HIVEP1: variants seen among roughly 807,000 people sequenced by gnomAD.
HIVEP1 encodes the protein HIVEP zinc finger 1, also known as zinc finger protein 40.
In HIVEP1, 36 loss-of-function variants were observed where a neutral mutation model predicts 180.0. That is an observed-to-expected ratio of 0.20 (90% CI 0.15 to 0.26). The LOEUF is 0.26. Ranked by LOEUF, HIVEP1 falls within the 10% of genes least tolerant of loss-of-function variation. The pLI is 1.00. For synonymous variants in HIVEP1, 1,239 were observed against 1,239.0 expected (o/e 1.00, Z 0.00); for missense variants, 3,143 against 3,268.7 (o/e 0.96, Z 0.94).
At chr6:12,198,675 A>G in the HIVEP1 span, among the ~76,000 whole-genome samples, 1 of 152,212 alleles carries the variant, frequency 6.6e-6, no homozygotes, top group African/African-American at 2.4e-5. Flanking sequence ...AGCACAGTAC[A>G]TGTGAGATTT....
intron 3 of HIVEP1, among the ~76,000 whole-genome samples, chr6:12,090,778 GAGCTGCTTCT>G (rs1773425497): frequency 8.3e-6 from 1 of 120,110 alleles, no homozygotes; most frequent in Non-Finnish European, 1.6e-5. Context: ...TCATGGTTTA[GAGCTGCTTCT>G]AGTAGCAAAG....
chr6:12,011,872 TC>T (rs1767344727), upstream of HIVEP1: 1 of 13,336 alleles, frequency 7.5e-5, no homozygotes, highest in Non-Finnish European at 1.6e-4. Flanking sequence ...GGACGCCCCC[TC>T]CCCCGCCCAC....
intron 3 of HIVEP1, among the ~76,000 whole-genome samples, chr6:12,097,380 G>A (rs771611376): frequency 1.3e-4 from 20 of 150,260 alleles, no homozygotes; most frequent in African/African-American, 2.5e-4. Flanking sequence ...AAAGGAGCCC[G>A]CAAGCTTTAA....
At chr6:12,205,428 G>A in the HIVEP1 span, among the ~76,000 whole-genome samples, 310 of 151,494 alleles carry the variant, frequency 2.0e-3, no homozygotes, top group African/African-American at 7.3e-3. Context: ...CCGAGATTGC[G>A]CCACTGCACT....
chr6:12,065,558 C>T (rs1771512446), intron 2 of HIVEP1, among the ~76,000 whole-genome samples: 1 of 152,148 alleles, frequency 6.6e-6, no homozygotes, highest in Admixed American at 6.5e-5. Flanking sequence ...GCAAATCTGC[C>T]TGGGTTCAAG....
intron 3 of HIVEP1, among the ~76,000 whole-genome samples, chr6:12,092,442 C>T (rs1194077900): frequency 6.6e-6 from 1 of 152,072 alleles, no homozygotes; most frequent in East Asian, 1.9e-4. Context: ...ATTGTTGGCC[C>T]ATTCTTCTGT....
intron 2 of HIVEP1, among the ~76,000 whole-genome samples, chr6:12,065,083 G>A (rs1771484134): frequency 6.6e-6 from 1 of 152,182 alleles, no homozygotes; most frequent in Non-Finnish European, 1.5e-5. Context: ...TGGACAAATT[G>A]GATGCAACTA....
At chr6:12,113,370 A>T (rs1775024106) in intron 3 of HIVEP1, among the ~76,000 whole-genome samples, 1 of 151,536 alleles carries the variant, frequency 6.6e-6, no homozygotes, top group African/African-American at 2.4e-5. Context: ...CATGCTGAGG[A>T]GATGGCAAGT....
intron 3 of HIVEP1, 93 bp from the exon 4 acceptor site, chr6:12,119,797 T>C (rs1775446692): frequency 1.3e-6 from 1 of 750,294 alleles, no homozygotes; most frequent in Admixed American, 2.8e-5. Flanking sequence ...CTTGTCATAA[T>C]GTCCTTATGA....
intron 2 of HIVEP1, among the ~76,000 whole-genome samples, chr6:12,060,357 C>T (rs1489653854): frequency 6.6e-6 from 1 of 152,188 alleles, no homozygotes; most frequent in African/African-American, 2.4e-5. Context: ...CAGACAATTA[C>T]AGTATAAACT....
intron 1 of HIVEP1, chr6:12,012,800 ACCCAGCCTC>A (rs1008274225): frequency 1.3e-5 from 2 of 152,674 alleles, no homozygotes; most frequent in Non-Finnish European, 2.9e-5. Flanking sequence ...GTACAGAGGG[ACCCAGCCTC>A]CCCAGCCGCC....
At chr6:12,197,466 G>A in the HIVEP1 span, among the ~76,000 whole-genome samples, 4 of 151,352 alleles carry the variant, frequency 2.6e-5, no homozygotes, top group Non-Finnish European at 4.4e-5. Context: ...GGCTGAGACA[G>A]GAGAATCACT....
intron 7 of HIVEP1, among the ~76,000 whole-genome samples, chr6:12,140,222 G>A (rs1758941420): frequency 6.6e-6 from 1 of 152,200 alleles, no homozygotes; most frequent in Admixed American, 6.5e-5. Flanking sequence ...GGCATACAGG[G>A]CCTGGAGTGG....
At chr6:12,086,459 GA>G (rs2113312695) in intron 2 of HIVEP1, among the ~76,000 whole-genome samples, 1 of 152,178 alleles carries the variant, frequency 6.6e-6, no homozygotes, top group Non-Finnish European at 1.5e-5. Flanking sequence ...AGTTCTTTGG[GA>G]AATTGTTAAC....
intron 3 of HIVEP1, among the ~76,000 whole-genome samples, chr6:12,093,354 A>G (rs989465374): frequency 6.6e-6 from 1 of 151,714 alleles, no homozygotes; most frequent in Non-Finnish European, 1.5e-5. Flanking sequence ...ACTAAAGTGA[A>G]TAGAAGCTCT....
At chr6:12,099,474 T>C (rs1458889786) in intron 3 of HIVEP1, among the ~76,000 whole-genome samples, 1 of 151,906 alleles carries the variant, frequency 6.6e-6, no homozygotes, top group Non-Finnish European at 1.5e-5. Flanking sequence ...CCTCACTGAG[T>C]TTTTGGCCTG....
intron 8 of HIVEP1, 44 bp downstream of exon 8, chr6:12,161,973 A>C: frequency 6.5e-7 from 1 of 1,533,758 alleles, no homozygotes; most frequent in Non-Finnish European, 8.8e-7. Flanking sequence ...TTTCGTTTTA[A>C]CCTATTAAAT....
At chr6:12,020,824 C>T (rs1486812810) in intron 2 of HIVEP1, among the ~76,000 whole-genome samples, 1 of 151,304 alleles carries the variant, frequency 6.6e-6, no homozygotes, top group Non-Finnish European at 1.5e-5. Context: ...GTTCATTTGG[C>T]TCCGAACACT....
chr6:12,061,257 A>G (rs1719965792), intron 2 of HIVEP1, among the ~76,000 whole-genome samples: 1 of 152,236 alleles, frequency 6.6e-6, no homozygotes. Context: ...GATTTGATGA[A>G]AAGAGTTTAA....
Sources: gnomAD v4.1 joint callset for allele counts (sites outside exome capture counted in the v4.1 genomes callset) on GRCh38, gnomAD v4.1.1 for gene constraint, MANE v1.5 for transcripts, NCBI Gene and HGNC (gene_info 2026-07-23, HGNC 2026-07-21) for gene names.